Variants in BCAS4 observed in about 807,000 individuals in gnomAD.
The protein encoded by BCAS4 is breast carcinoma-amplified sequence 4.
Under a neutral mutation model 15.7 loss-of-function variants are expected in BCAS4, and 9 were observed. The observed-to-expected ratio is 0.57, with a 90% CI of 0.34 to 1.00. BCAS4 has a LOEUF of 1.00. Among genes scored for constraint, BCAS4 ranks in the 50% least tolerant of loss-of-function variants. The pLI is 0.02. For synonymous variants in BCAS4, 101 were observed against 99.5 expected (o/e 1.02, Z -0.09); for missense variants, 225 against 239.1 (o/e 0.94, Z 0.39).
chr20:50,856,135 A>G (rs1222696473), intron 4 of BCAS4, among the ~76,000 whole-genome samples: 1 of 152,220 alleles, frequency 6.6e-6, no homozygotes, highest in Non-Finnish European at 1.5e-5. Context: ...GTCAGAACGC[A>G]GGTTCTGGAA....
At chr20:50,841,946 C>G in intron 4 of BCAS4, 46 bp downstream of exon 4, 1 of 1,518,858 alleles carries the variant, frequency 6.6e-7, no homozygotes, top group Non-Finnish European at 8.8e-7. Context: ...TCTCCCCCTT[C>G]GCTCCGCAGA....
chr20:50,824,550 T>C lies in BCAS4; in HGVS notation c.163-5729T>C, dbSNP rs74938058. 8.0e-3 allele frequency among the ~76,000 whole-genome samples: 1,223 copies of C among 152,334 alleles called. 14 individuals carry two copies. Among genetic ancestry groups the C allele is most frequent in the African/African-American group, 0.028 (1,180 of 41,572 alleles). On this transcript the variant is annotated intron_variant, in intron 2 of 4. Coordinates refer to ENST00000371608, the MANE Select transcript of BCAS4 (RefSeq NM_198799.4). Reference sequence around the variant, plus strand: ...GGCTTTTTCACTGAAATCTGTTTGCTCTTCTCAGAGCGTAGCCCAAGGCGT... The same window carrying C: ...GGCTTTTTCACTGAAATCTGTTTGCCCTTCTCAGAGCGTAGCCCAAGGCGT...
At chr20:50,822,568 T>C (rs1385343267) in intron 2 of BCAS4, among the ~76,000 whole-genome samples, 2 of 151,402 alleles carry the variant, frequency 1.3e-5, no homozygotes, top group Non-Finnish European at 2.9e-5. Flanking sequence ...GAAGCTCTCA[T>C]ACATTGCTGG....
chr20:50,839,238 T>C (rs1412623450), intron 3 of BCAS4, among the ~76,000 whole-genome samples: 5 of 152,250 alleles, frequency 3.3e-5, no homozygotes, highest in African/African-American at 9.6e-5. Context: ...CCTTTAGCCA[T>C]GTACACACGT....
chr20:50,824,930 A>G (rs1245998339), intron 2 of BCAS4, among the ~76,000 whole-genome samples: 1 of 152,066 alleles, frequency 6.6e-6, no homozygotes, highest in Admixed American at 6.6e-5. Context: ...TTTTTTAGGC[A>G]TGATTGGGCT....
chr20:50,817,397 T>A (rs1020034952), intron 1 of BCAS4, among the ~76,000 whole-genome samples: 4 of 152,234 alleles, frequency 2.6e-5, no homozygotes, highest in African/African-American at 9.6e-5. Context: ...ACAAATTTTT[T>A]AAGTATAAGC....
At chr20:50,875,548 G>A (rs1342313596) in intron 4 of BCAS4, among the ~76,000 whole-genome samples, 2 of 149,478 alleles carry the variant, frequency 1.3e-5, no homozygotes, top group Non-Finnish European at 1.5e-5. Flanking sequence ...GCGAGTCACC[G>A]GAGGCCAGGA....
At chr20:50,833,276 G>A (rs1357140812) in intron 3 of BCAS4, among the ~76,000 whole-genome samples, 17 of 152,334 alleles carry the variant, frequency 1.1e-4, no homozygotes, top group Non-Finnish European at 2.9e-5. Flanking sequence ...GGCAGCAGCA[G>A]CCAGGTTGTC....
At chr20:50,830,124 G>C (rs545196372) in intron 2 of BCAS4, among the ~76,000 whole-genome samples, 155 bp from the exon 3 acceptor site, 1 of 152,270 alleles carries the variant, frequency 6.6e-6, no homozygotes, top group East Asian at 1.9e-4. Flanking sequence ...TCCTCCCCTG[G>C]GGCTCTGAGT....
chr20:50,840,409 CT>C (rs2123804769), intron 3 of BCAS4: 1 of 660,746 alleles, frequency 1.5e-6, no homozygotes, highest in East Asian at 3.0e-5. Context: ...CATGCAAGTT[CT>C]TTCCTTCCCT....
At position 50,810,886 on chromosome 20, in the gene BCAS4, G is replaced by A. The variant is rs187453293; in HGVS notation, c.91-7325G>A. On this transcript the variant is annotated intron_variant, in intron 1 of 4. Transcript: ENST00000371608. ...ATTACAGGTGTGAGCCACCATGCCC[G>A]GCCATGAAAAAAATAGTTATGTTAG... Among the ~76,000 whole-genome samples, 1,136 of 152,000 alleles carry A rather than the reference G, an allele frequency of 7.5e-3. 15 individuals are homozygous for A. The highest frequency in any genetic ancestry group is 0.026 in the African/African-American group (1,069 of 41,482).
At chr20:50,864,287 G>A (rs576636425) in intron 4 of BCAS4, among the ~76,000 whole-genome samples, 2 of 152,116 alleles carry the variant, frequency 1.3e-5, no homozygotes, top group Non-Finnish European at 2.9e-5. Flanking sequence ...CAAGCATCAC[G>A]CCGGGGAGTG....
rs1463399488 is a variant in BCAS4, at chr20:50,851,344, C to T, written c.399+9444C>T. On this transcript the variant is annotated intron_variant, in intron 4 of 4. Coordinates refer to ENST00000371608, the MANE Select transcript of BCAS4 (RefSeq NM_198799.4). The surrounding 1 kb of genome is among the most constrained non-coding windows in gnomAD (Gnocchi z 4.3). ...GCCGAGGGGTGCCGGGTCCCAGCCC[C>T]CACCTACCAGCCCCCTCCCCACGGC... is the stretch of plus-strand genomic sequence containing the variant. 6.6e-6 allele frequency among the ~76,000 whole-genome samples: 1 copy of T among 152,080 alleles called. No individual in the cohort carries two copies. Among genetic ancestry groups the T allele is most frequent in the Non-Finnish European group, 1.5e-5 (1 of 68,018 alleles).
chr20:50,816,475 T>C (rs1450915252), intron 1 of BCAS4, among the ~76,000 whole-genome samples: 2 of 152,232 alleles, frequency 1.3e-5, no homozygotes, highest in Admixed American at 6.5e-5. Flanking sequence ...GGGCATTTCC[T>C]ATCAAATTAG....
At chr20:50,809,102 C>T (rs1490249268) in intron 1 of BCAS4, among the ~76,000 whole-genome samples, 1 of 152,124 alleles carries the variant, frequency 6.6e-6, no homozygotes, top group Non-Finnish European at 1.5e-5. Flanking sequence ...CCTTTCTCCA[C>T]TTCTGGTTTT....
chr20:50,848,134 TG>T (rs1247581089), intron 4 of BCAS4, among the ~76,000 whole-genome samples: 4 of 151,952 alleles, frequency 2.6e-5, no homozygotes, highest in African/African-American at 7.3e-5. Flanking sequence ...TGCGTGCCTG[TG>T]GTCCCAGCTA....
rs534500132 is a variant in BCAS4 at position 50,845,917 on chromosome 20, G to A, written c.399+4017G>A. On this transcript the variant is annotated intron_variant, in intron 4 of 4. Coordinates refer to ENST00000371608, the MANE Select transcript of BCAS4 (RefSeq NM_198799.4). ...CCCGCTGCCCAGGTGACTTGGTGCT[G>A]GTGTGGACATTGCCTGTGGCCTGGG... Among the ~76,000 whole-genome samples, 3 of 152,332 alleles carry A rather than the reference G, an allele frequency of 2.0e-5. No homozygotes were observed. In the East Asian group the frequency reaches 5.8e-4, roughly 29 times the overall value.
chr20:50,827,782 A>C (rs1302166797), intron 2 of BCAS4, among the ~76,000 whole-genome samples: 1 of 152,222 alleles, frequency 6.6e-6, no homozygotes, highest in Non-Finnish European at 1.5e-5. Context: ...GCTGGAGTGC[A>C]GTGGCGCCAT....
intron 3 of BCAS4, among the ~76,000 whole-genome samples, chr20:50,834,632 A>G (rs879285306): frequency 3.3e-5 from 5 of 152,136 alleles, no homozygotes; most frequent in African/African-American, 4.8e-5. Flanking sequence ...GGTGTGGGGT[A>G]TATTTACTAG....
Sources: allele counts gnomAD v4.1 joint callset (sites outside exome capture counted in the v4.1 genomes callset), GRCh38; gene constraint gnomAD v4.1.1; non-coding constraint Gnocchi (gnomAD v3.1); transcripts MANE v1.5; gene names NCBI Gene and HGNC (gene_info 2026-07-23, HGNC 2026-07-21).